The following ABCA6 variants were observed in gnomAD, a reference collection of about 807,000 sequenced individuals.
The protein encoded by ABCA6 is ATP-binding cassette sub-family A member 6.
ABCA6 carries 164 observed loss-of-function variants against 191.2 expected under a neutral mutation model. The observed-to-expected ratio is 0.86, with a 90% confidence interval of 0.76 to 0.98. ABCA6 has a LOEUF of 0.98. Ranked by LOEUF, ABCA6 falls within the 50% of genes least tolerant of loss-of-function variation. The pLI is 0.00. For missense variants in ABCA6, 1,958 were observed against 1,894.1 expected, an observed-to-expected ratio of 1.03 and a Z score of -0.63; for synonymous variants, 636 against 647.7, an observed-to-expected ratio of 0.98 and a Z score of 0.27.
chr17:69,107,182 G>A (rs1389074215), intron 18 of ABCA6, among the ~76,000 whole-genome samples: 1 of 151,996 alleles, frequency 6.6e-6, no homozygotes, highest in Non-Finnish European at 1.5e-5. Flanking sequence ...TCTTGGAAAG[G>A]TTATTATAGG....
In ABCA6 at chr17:69,091,723, C is replaced by T. The variant is rs1254055019; in HGVS notation, c.3409-461G>A. 6.8e-5 allele frequency among the ~76,000 whole-genome samples: 2 copies of T among 29,376 alleles called. 1 individual carries two copies. The highest frequency in any genetic ancestry group is 1.5e-4 in the Non-Finnish European group (2 of 13,014). The allele number at this position is 29,376 out of a possible 152,430, so 19.3% of individuals were successfully genotyped here. On this transcript the variant is annotated intron_variant, in intron 25 of 38. Coordinates refer to ENST00000284425, the MANE Select transcript of ABCA6 (RefSeq NM_080284.3). ...ATTTTTAGTAGAGACGGGGTTTCAC[C>T]GTTTTAGCCGGGATGGTCTCGATCT... is the stretch of plus-strand genomic sequence containing the variant.
chr17:69,105,863 G>T, intron 19 of ABCA6, 165 bp downstream of exon 19: 4 of 796,664 alleles, frequency 5.0e-6, no homozygotes, highest in Non-Finnish European at 5.8e-6. Flanking sequence ...AAGCTTAATC[G>T]AGTGTGAACA....
chr17:69,084,152 C>G, intron 34 of ABCA6, 109 bp downstream of exon 34: 1 of 891,358 alleles, frequency 1.1e-6, no homozygotes, highest in Non-Finnish European at 1.7e-6. Flanking sequence ...AAATTATTTC[C>G]ACTGAATCAG....
At chr17:69,124,365 A>T (rs1473490222) in intron 9 of ABCA6, among the ~76,000 whole-genome samples, 1 of 151,972 alleles carries the variant, frequency 6.6e-6, no homozygotes, top group Non-Finnish European at 1.5e-5. Flanking sequence ...GTGTGAAAAA[A>T]TTCTGGGCTT....
rs142689743 is a variant in ABCA6, at chr17:69,136,089, C to T, written c.460+3G>A. The T allele has an allele frequency of 5.7e-5, 92 of 1,608,650 alleles. No individual in the cohort carries two copies. The African/African-American group carries it at 1.1e-3, about 19-fold the overall frequency. On this transcript the variant is annotated splice_donor_region_variant and intron_variant, in intron 4 of 38. Coordinates refer to ENST00000284425, the MANE Select transcript of ABCA6 (RefSeq NM_080284.3). Reference sequence around the variant, plus strand: ...CATAATGATATTTGATATGGAAAGTCACCTGAGAAATCTTCTTTCCAAAGT... The same window carrying T: ...CATAATGATATTTGATATGGAAAGTTACCTGAGAAATCTTCTTTCCAAAGT...
chr17:69,096,564 TAAC>T lies in ABCA6; in HGVS notation c.3294+61_3294+63del, dbSNP rs1169300136. ...ATTAAAACATCTTAACTACTTAAAA[TAAC>T]AATGTTAAAATTTATTATTAATTAC... is the stretch of plus-strand genomic sequence containing the variant. On this transcript the variant is annotated intron_variant, in intron 24 of 38. Coordinates refer to ENST00000284425, the MANE Select transcript of ABCA6 (RefSeq NM_080284.3). 1.5e-5 allele frequency: 18 copies of T among 1,205,844 alleles called. 1 individual carries two copies. In the East Asian group the frequency reaches 5.2e-4, roughly 35 times the overall value. The allele number at this position is 1,205,844 out of a possible 1,614,324, so 74.7% of individuals were successfully genotyped here.
chr17:69,099,137 G>T (rs1202990622), intron 22 of ABCA6, among the ~76,000 whole-genome samples: 1 of 151,852 alleles, frequency 6.6e-6, no homozygotes, highest in South Asian at 2.1e-4. Context: ...TCAGGGAAAG[G>T]AACTTTAAAT....
chr17:69,091,463 T>C (rs1054679526), intron 25 of ABCA6, among the ~76,000 whole-genome samples: 2 of 152,038 alleles, frequency 1.3e-5, no homozygotes, highest in South Asian at 2.1e-4. Context: ...TGATCCCCAA[T>C]AGAAAATTCT....
intron 11 of ABCA6, chr17:69,115,819 T>C (rs2073527801): frequency 6.2e-6 from 1 of 161,360 alleles, no homozygotes; most frequent in South Asian, 2.0e-4. Context: ...TAATAAATAA[T>C]ATTGGGACAA....
At chr17:69,115,055 A>G in intron 12 of ABCA6, 118 bp from the exon 13 acceptor site, 1 of 773,476 alleles carries the variant, frequency 1.3e-6, no homozygotes, top group Non-Finnish European at 2.0e-6. Flanking sequence ...TTTGTGAACT[A>G]CTATTCTTGA....
intron 8 of ABCA6, among the ~76,000 whole-genome samples, chr17:69,127,940 T>C (rs759728006): frequency 8.5e-5 from 13 of 152,080 alleles, no homozygotes; most frequent in Non-Finnish European, 1.8e-4. Flanking sequence ...ACACTATAGC[T>C]ACACAGAAAC....
At position 69,080,228 on chromosome 17, in the gene ABCA6, A is replaced by G. The variant is rs571456528; in HGVS notation, c.4696+838T>C. Among the ~76,000 whole-genome samples the G allele has an allele frequency of 3.3e-5, 5 of 152,256 alleles. No homozygotes were observed. In the South Asian group the frequency reaches 1.0e-3, roughly 32 times the overall value. On this transcript the variant is annotated intron_variant, in intron 37 of 38. Coordinates refer to ENST00000284425, the MANE Select transcript of ABCA6 (RefSeq NM_080284.3). ...AGGCACTGTTCTAGGCACTTAAAAT[A>G]TTTACTCATTTAATCCTAACAACAT... is the stretch of plus-strand genomic sequence containing the variant.
At chr17:69,122,191 G>A (rs2073660711) in intron 10 of ABCA6, among the ~76,000 whole-genome samples, 1 of 151,932 alleles carries the variant, frequency 6.6e-6, no homozygotes, top group African/African-American at 2.4e-5. Flanking sequence ...TTCACTTTTT[G>A]TATTCTCAAA....
chr17:69,096,931 T>G (rs546669304), intron 23 of ABCA6, 130 bp from the exon 24 acceptor site: 2 of 731,704 alleles, frequency 2.7e-6, no homozygotes, highest in African/African-American at 1.9e-5. Flanking sequence ...TTAAAAAAAA[T>G]TATGCATATA....
At chr17:69,089,886 C>A (rs892229356) in intron 26 of ABCA6, among the ~76,000 whole-genome samples, 24 of 152,166 alleles carry the variant, frequency 1.6e-4, no homozygotes, top group African/African-American at 5.5e-4. Context: ...GAGGTGCTGG[C>A]ACTGGTAAAA....
Position 69,140,591 on chromosome 17 carries a change from C to T in ABCA6, c.96+17G>A, listed in dbSNP as rs779764645. 9 of 1,560,720 alleles carry T rather than the reference C, an allele frequency of 5.8e-6. No individual in the cohort carries two copies. Among genetic ancestry groups the T allele is most frequent in the Non-Finnish European group, 7.0e-6 (8 of 1,149,664 alleles). On this transcript the variant is annotated intron_variant, in intron 2 of 38. Transcript: ENST00000284425. Reference sequence around the variant, plus strand: ...TAAGAGTGCTAACCGTGGAAAGAGACAAATTTTTAAACATACCAATAAGCT... The same window carrying T: ...TAAGAGTGCTAACCGTGGAAAGAGATAAATTTTTAAACATACCAATAAGCT...
intron 18 of ABCA6, 104 bp downstream of exon 18, chr17:69,107,592 A>C: frequency 1.2e-6 from 1 of 833,742 alleles, no homozygotes; most frequent in Non-Finnish European, 1.9e-6. Flanking sequence ...TTTGGAATGA[A>C]ATCACATTTC....
intron 25 of ABCA6, among the ~76,000 whole-genome samples, chr17:69,092,697 A>G (rs146232178): frequency 2.6e-5 from 4 of 152,284 alleles, no homozygotes; most frequent in African/African-American, 4.8e-5. Context: ...GCTTCACTCA[A>G]TGATGGAGAA....
At chr17:69,128,349 T>C (rs1392518135) in intron 8 of ABCA6, among the ~76,000 whole-genome samples, 4 of 152,006 alleles carry the variant, frequency 2.6e-5, no homozygotes, top group Non-Finnish European at 5.9e-5. Context: ...GTAATAAAAG[T>C]AAATATTTGT....
Sources: gnomAD v4.1 joint callset for allele counts (sites outside exome capture counted in the v4.1 genomes callset) on GRCh38, gnomAD v4.1.1 for gene constraint, MANE v1.5 for transcripts, NCBI Gene and HGNC (gene_info 2026-07-23, HGNC 2026-07-21) for gene names.